Variants in LARP1 observed in about 807,000 individuals in gnomAD.
The protein encoded by LARP1 is la-related protein 1.
A neutral mutation model predicts 122.7 loss-of-function variants in LARP1; 36 were observed. The ratio of observed to expected loss-of-function variants is 0.29; its 90% CI spans 0.22 to 0.39. The LOEUF is 0.39. LARP1 is among the 10% of genes least tolerant of loss of function. The pLI is 1.00. For missense variants in LARP1, 1,040 were observed against 1,403.6 expected (o/e 0.74, Z 4.14); for synonymous variants, 539 against 528.7 (o/e 1.02, Z -0.27).
At chr5:154,700,635 G>A (rs536166312) in intron 1 of LARP1, among the ~76,000 whole-genome samples, 7 of 152,124 alleles carry the variant, frequency 4.6e-5, no homozygotes, top group Admixed American at 1.3e-4. Flanking sequence ...CTTTGTTGTT[G>A]TTGTTTGAGA....
intron 1 of LARP1, among the ~76,000 whole-genome samples, chr5:154,761,320 A>C (rs1221681725): frequency 6.6e-6 from 1 of 152,182 alleles, no homozygotes; most frequent in Non-Finnish European, 1.5e-5. Flanking sequence ...GGTAGTCACA[A>C]GCTTTCTTGA....
chr5:154,738,298 C>T (rs1366422678), intron 1 of LARP1, among the ~76,000 whole-genome samples: 1 of 152,168 alleles, frequency 6.6e-6, no homozygotes, highest in Non-Finnish European at 1.5e-5. Flanking sequence ...TAATCTGGAC[C>T]CTCAGAAGAA....
chr5:154,761,988 T>C (rs982893279), intron 1 of LARP1, among the ~76,000 whole-genome samples: 1 of 152,154 alleles, frequency 6.6e-6, no homozygotes, highest in Admixed American at 6.6e-5. Flanking sequence ...ACACCTGTAA[T>C]CCTAGCACTT....
chr5:154,796,103 T>TTATAG (rs1188202032), intron 8 of LARP1, among the ~76,000 whole-genome samples: 2 of 122,758 alleles, frequency 1.6e-5, no homozygotes, highest in African/African-American at 6.4e-5. Flanking sequence ...TTTTATATAT[T>TTATAG]TATATATAGT....
At chr5:154,747,226 A>G (rs1753239168) in intron 1 of LARP1, among the ~76,000 whole-genome samples, 1 of 151,506 alleles carries the variant, frequency 6.6e-6, no homozygotes, top group Non-Finnish European at 1.5e-5. Context: ...GAATCATTTG[A>G]ACACGGGAGA....
In LARP1 at chr5:154,804,840, A is replaced by G. The variant is rs1285475692; in HGVS notation, c.2546+533A>G. On this transcript the variant is annotated intron_variant, in intron 14 of 18. Transcript: ENST00000518297. ...CTTTGAGAGCCACCTACCTATGACC[A>G]ATGCTCTCTACTCCCTGCAGAGATG... is the stretch of plus-strand genomic sequence containing the variant. The G allele has an allele frequency of 1.8e-5, 8 of 456,208 alleles. No individual in the cohort carries two copies. The East Asian group carries it at 5.6e-4, about 32-fold the overall frequency. The allele number at this position is 456,208 out of a possible 1,614,324, so 28.3% of individuals were successfully genotyped here.
intron 16 of LARP1, among the ~76,000 whole-genome samples, chr5:154,810,395 C>T (rs1487932628): frequency 6.6e-6 from 1 of 151,150 alleles, no homozygotes; most frequent in Non-Finnish European, 1.5e-5. Flanking sequence ...AAGATCGTGC[C>T]ACTGCACTCC....
chr5:154,760,663 G>T (rs1271455337), intron 1 of LARP1, among the ~76,000 whole-genome samples: 1 of 152,204 alleles, frequency 6.6e-6, no homozygotes, highest in African/African-American at 2.4e-5. Context: ...AGATCCAACT[G>T]CCAGTTTATA....
chr5:154,688,356 T>TA (rs549569729), intron 1 of LARP1, among the ~76,000 whole-genome samples: 9 of 150,016 alleles, frequency 6.0e-5, no homozygotes, highest in African/African-American at 1.5e-4. Flanking sequence ...GTTCACATCT[T>TA]AAAAAAAAAA....
intron 1 of LARP1, among the ~76,000 whole-genome samples, chr5:154,743,314 T>TA (rs1237255680): frequency 3.3e-5 from 5 of 151,458 alleles, no homozygotes; most frequent in Non-Finnish European, 4.4e-5. Context: ...TCTTATTTAT[T>TA]TATTTTTTTT....
intron 1 of LARP1, chr5:154,786,494 T>C (rs1756898018): frequency 2.2e-6 from 1 of 455,906 alleles, no homozygotes; most frequent in Non-Finnish European, 4.4e-6. Flanking sequence ...TTAGGGCTGG[T>C]TTGCCTTAGT....
chr5:154,790,677 C>T lies in LARP1; in HGVS notation c.531C>T (p.Pro177=). 1.9e-6 allele frequency: 3 copies of T among 1,614,182 alleles called. No homozygotes were observed. Among genetic ancestry groups the T allele is most frequent in the South Asian group, 1.1e-5 (1 of 91,078 alleles). The part of the protein sequence containing the change: ...VGDFGDAINW[P]TPGEIAHKSV... ...ACTTTGGAGATGCAATCAATTGGCC[C>T]ACACCTGGAGAGATAGCCCACAAGA... The change falls in exon 3 of 19, where the codon CCC becomes CCT. Residue 177 remains proline (P), a synonymous_variant. Coordinates refer to ENST00000518297, the MANE Select transcript of LARP1 (RefSeq NM_033551.3).
chr5:154,716,426 C>T (rs548026507), intron 1 of LARP1, among the ~76,000 whole-genome samples: 11 of 152,006 alleles, frequency 7.2e-5, no homozygotes, highest in Middle Eastern at 3.4e-3. Flanking sequence ...CAGCCTTTTA[C>T]TGTTTAAAAA....
At chr5:154,750,578 G>A, upstream of LARP1, among the ~76,000 whole-genome samples, 1 of 150,590 alleles carries the variant, frequency 6.6e-6, no homozygotes, top group East Asian at 2.0e-4. Context: ...AGCCCAAATA[G>A]GTATTTGGAC....
chr5:154,724,109 A>C (rs1411312861), intron 1 of LARP1, among the ~76,000 whole-genome samples: 1 of 152,202 alleles, frequency 6.6e-6, no homozygotes, highest in Non-Finnish European at 1.5e-5. Context: ...AAAGGTGGTG[A>C]GATTTCACTG....
rs532916807 is a variant in LARP1, at chr5:154,792,428, C to CGGA, written c.565-194_565-193insGGA. ...AAGCTGGAGAGATAAGTTGCCTTCC[C>CGGA]ACCTTCTGGCCTATTTGACCATGCT... On this transcript the variant is annotated intron_variant, in intron 3 of 18. Coordinates refer to ENST00000518297, the MANE Select transcript of LARP1 (RefSeq NM_033551.3). Among the ~76,000 whole-genome samples the CGGA allele has an allele frequency of 2.8e-4, 43 of 152,316 alleles. 1 individual carries two copies. In the South Asian group the frequency reaches 8.3e-3, roughly 29 times the overall value.
In LARP1 at chr5:154,755,496, C is replaced by CGG; in HGVS notation, c.-255_-254dup. The CGG allele has an allele frequency of 2.1e-6, 2 of 941,822 alleles. No homozygotes were observed. Among genetic ancestry groups the CGG allele is most frequent in the Non-Finnish European group, 2.5e-6 (2 of 790,526 alleles). The allele number at this position is 941,822 out of a possible 1,614,324, so 58.3% of individuals were successfully genotyped here. A position where few individuals can be genotyped will look rare whatever the true frequency, so the allele number is the denominator to read the frequency against. ...GTGGGGGCGTCTTGCGAGGAACGGG[C>CGG]GGGGGGGGACGCACGCCTAGGAGGC... On this transcript the variant is annotated 5_prime_UTR_variant, in exon 1 of 19. Transcript: ENST00000518297.
rs1759704999 is a variant in LARP1, at chr5:154,816,884, T to G, written c.*2788T>G. Reference sequence around the variant, plus strand: ...TTTCTCTTTAGCCCTCTTCCTGCACTTGGGAGCAAAGGCACTACCAGTAGA... The same window carrying G: ...TTTCTCTTTAGCCCTCTTCCTGCACGTGGGAGCAAAGGCACTACCAGTAGA... On this transcript the variant is annotated 3_prime_UTR_variant, in exon 19 of 19. Coordinates refer to ENST00000518297, the MANE Select transcript of LARP1 (RefSeq NM_033551.3). The G allele has an allele frequency of 1.3e-5, 2 of 152,278 alleles. No homozygotes were observed. The highest frequency in any genetic ancestry group is 2.9e-5 in the Non-Finnish European group (2 of 68,074). 9.4% of individuals were successfully genotyped at this position (152,278 alleles called of 1,614,324 possible).
At position 154,804,275 on chromosome 5, in the gene LARP1, C is replaced by T. The variant is rs1446138259; in HGVS notation, c.2514C>T (p.Ser838=). The change falls in exon 14 of 19, where the codon TCC becomes TCT. Residue 838 remains serine (S), a synonymous_variant. Coordinates refer to ENST00000518297, the MANE Select transcript of LARP1 (RefSeq NM_033551.3). ...GCCATGTGGGCTGGGTGATGGATTC[C>T]CGTGAGCACAGGCCCCGTACTGCTT... is the stretch of plus-strand genomic sequence containing the variant. ...LESHVGWVMD[S]REHRPRTASI... is the part of the protein sequence containing the mutation. 6.8e-6 allele frequency: 11 copies of T among 1,613,988 alleles called. No individual in the cohort carries two copies. Among genetic ancestry groups the T allele is most frequent in the African/African-American group, 4.0e-5 (3 of 74,906 alleles).
Sources: gnomAD v4.1 joint callset for allele counts (sites outside exome capture counted in the v4.1 genomes callset) on GRCh38, gnomAD v4.1.1 for gene constraint, MANE v1.5 for transcripts, NCBI Gene and HGNC (gene_info 2026-07-23, HGNC 2026-07-21) for gene names.